The following TMEM181 variants were observed in gnomAD, a reference collection of about 807,000 sequenced individuals.
The protein encoded by TMEM181 is G protein-coupled receptor 178.
TMEM181 carries 39 observed loss-of-function variants against 71.9 expected under a neutral mutation model. That is an observed-to-expected ratio of 0.54 (90% confidence interval 0.42 to 0.71). The LOEUF is 0.71. Among genes scored for constraint, TMEM181 ranks in the 30% least tolerant of loss-of-function variants. TMEM181 has a pLI of 0.00. For missense variants in TMEM181, 595 were observed against 583.0 expected (o/e 1.02, Z -0.21); for synonymous variants, 245 against 228.8 (o/e 1.07, Z -0.64).
chr6:158,557,612 G>A (rs1199498458), upstream of TMEM181, among the ~76,000 whole-genome samples: 3 of 151,992 alleles, frequency 2.0e-5, no homozygotes, highest in Admixed American at 1.3e-4. Context: ...CCACCCCCTG[G>A]GTTTAAGCAA....
chr6:158,557,243 G>A (rs1226166459), upstream of TMEM181, among the ~76,000 whole-genome samples: 1 of 152,098 alleles, frequency 6.6e-6, no homozygotes, highest in African/African-American at 2.4e-5. Flanking sequence ...TTGTGTTAGT[G>A]CACACCTGTA....
At chr6:158,565,679 C>G (rs1467523787) in intron 1 of TMEM181, among the ~76,000 whole-genome samples, 1 of 152,216 alleles carries the variant, frequency 6.6e-6, no homozygotes, top group Admixed American at 6.5e-5. Context: ...GTTACTGGAC[C>G]TGCACCATTC....
intron 6 of TMEM181, among the ~76,000 whole-genome samples, chr6:158,590,108 C>G (rs916556074): frequency 2.0e-5 from 3 of 152,098 alleles, no homozygotes; most frequent in African/African-American, 7.2e-5. Context: ...CAGTCTCTGC[C>G]CGAACTGCCG....
intron 1 of TMEM181, among the ~76,000 whole-genome samples, chr6:158,564,706 A>G (rs532690027): frequency 6.6e-6 from 1 of 152,296 alleles, no homozygotes; most frequent in East Asian, 1.9e-4. Context: ...CATTTTGCAG[A>G]TGAGGAAACT....
chr6:158,594,378 C>A (rs545863325), intron 6 of TMEM181, among the ~76,000 whole-genome samples: 2 of 152,048 alleles, frequency 1.3e-5, no homozygotes, highest in Non-Finnish European at 2.9e-5. Flanking sequence ...GGATTACATG[C>A]GTGAGCCACT....
chr6:158,594,513 T>A (rs560662126), intron 6 of TMEM181, among the ~76,000 whole-genome samples: 1 of 152,320 alleles, frequency 6.6e-6, no homozygotes, highest in African/African-American at 2.4e-5. Context: ...ATGGCTTGAT[T>A]GCTCATTTCT....
chr6:158,625,622 A>T, intron 12 of TMEM181, 81 bp from the exon 13 acceptor site: 1 of 1,294,832 alleles, frequency 7.7e-7, no homozygotes, highest in Non-Finnish European at 1.1e-6. Flanking sequence ...AGCTTTGCTT[A>T]ATTTTTGTTT....
intron 6 of TMEM181, among the ~76,000 whole-genome samples, chr6:158,592,727 C>A (rs547736030): frequency 6.6e-6 from 1 of 152,018 alleles, no homozygotes. Flanking sequence ...CTCAGGTAAT[C>A]GGCCTAGCTG....
intron 10 of TMEM181, chr6:158,611,827 ACT>A (rs773512072): frequency 1.1e-4 from 21 of 186,362 alleles, no homozygotes; most frequent in South Asian, 1.0e-3. Context: ...GGTCAGAGTC[ACT>A]CTCTCTTACA....
chr6:158,605,129 A>T, intron 6 of TMEM181, 138 bp from the exon 7 acceptor site: 1 of 394,016 alleles, frequency 2.5e-6, no homozygotes, highest in Non-Finnish European at 4.3e-6. Context: ...AAAAAAAAAA[A>T]AAGTGTGTGT....
At position 158,589,681 on chromosome 6, in the gene TMEM181, G is replaced by A. The variant is rs764551547; in HGVS notation, c.391G>A (p.Glu131Lys). The A allele has an allele frequency of 4.3e-6, 7 of 1,613,836 alleles. No individual in the cohort carries two copies. Residue 131 changes from glutamate (E) to lysine (K), a missense_variant, in exon 6 of 17, where the codon GAG becomes AAG. Physicochemically the swap from Glu to Lys is moderately conservative, Grantham distance 56 (BLOSUM62 1). Transcript: ENST00000684151. ...TTCTGTGTATTTGCAGAAATGTGCG[G>A]AGATTATTGTGGCTCACCTTGGCTA... is the stretch of plus-strand genomic sequence containing the variant. Reference protein sequence around the residue: ...RTLTCAGKCAEIIVAHLGYLN... With the variant: ...RTLTCAGKCAKIIVAHLGYLN...
intron 1 of TMEM181, among the ~76,000 whole-genome samples, chr6:158,549,728 T>C (rs1190226782): frequency 3.3e-5 from 5 of 152,222 alleles, no homozygotes; most frequent in Admixed American, 3.3e-4. Context: ...ATAATTATTT[T>C]TGGCTACAAG....
intron 10 of TMEM181, among the ~76,000 whole-genome samples, chr6:158,614,245 C>T (rs150094222): frequency 3.4e-3 from 518 of 152,252 alleles, no homozygotes; most frequent in African/African-American, 0.012. Flanking sequence ...TTGGGGAAGC[C>T]TGTTAAATAT....
At chr6:158,562,100 G>T (rs2128285983) in intron 1 of TMEM181, among the ~76,000 whole-genome samples, 1 of 152,106 alleles carries the variant, frequency 6.6e-6, no homozygotes, top group East Asian at 1.9e-4. Flanking sequence ...TCTGCTTACG[G>T]TGTGTAGGGG....
At chr6:158,630,633 A>G (rs931855422) in intron 15 of TMEM181, among the ~76,000 whole-genome samples, 1 of 152,008 alleles carries the variant, frequency 6.6e-6, no homozygotes, top group Non-Finnish European at 1.5e-5. Flanking sequence ...TGACTTCACG[A>G]TATTTTCAAC....
intron 1 of TMEM181, among the ~76,000 whole-genome samples, chr6:158,537,120 C>G (rs1781145596): frequency 6.6e-6 from 1 of 151,994 alleles, no homozygotes; most frequent in Non-Finnish European, 1.5e-5. Context: ...GGGCGAAGGG[C>G]CGATTTCCGT....
At chr6:158,575,469 A>C (rs988340617) in intron 2 of TMEM181, among the ~76,000 whole-genome samples, 1 of 152,048 alleles carries the variant, frequency 6.6e-6, no homozygotes, top group African/African-American at 2.4e-5. Context: ...ACCTGCCTCC[A>C]CGCCTGGCTA....
At chr6:158,542,279 T>A (rs1035686420) in intron 1 of TMEM181, among the ~76,000 whole-genome samples, 5 of 152,248 alleles carry the variant, frequency 3.3e-5, no homozygotes, top group African/African-American at 9.6e-5. Flanking sequence ...GGCATTTTTA[T>A]GTCTATAATG....
chr6:158,609,455 A>G (rs917199006), intron 10 of TMEM181, among the ~76,000 whole-genome samples: 3 of 152,166 alleles, frequency 2.0e-5, no homozygotes, highest in African/African-American at 4.8e-5. Flanking sequence ...ACCTTGGAGC[A>G]TTTTGGCTGG....
Sources: allele counts gnomAD v4.1 joint callset (sites outside exome capture counted in the v4.1 genomes callset), GRCh38; gene constraint gnomAD v4.1.1; transcripts MANE v1.5; gene names NCBI Gene and HGNC (gene_info 2026-07-23, HGNC 2026-07-21).